The following NT5DC1 variants were observed in gnomAD, a reference collection of about 807,000 sequenced individuals.
The protein encoded by NT5DC1 is 5'-nucleotidase domain containing 1, also known as 5'-nucleotidase domain-containing protein 1.
NT5DC1 carries 42 observed loss-of-function variants against 59.4 expected under a neutral mutation model. The observed-to-expected ratio is 0.71, with a 90% confidence interval of 0.55 to 0.92. The LOEUF is 0.92. Ranked by LOEUF, NT5DC1 falls within the 40% of genes least tolerant of loss-of-function variation. The pLI is 0.00. For synonymous variants in NT5DC1, 172 were observed against 188.1 expected (o/e 0.91, Z 0.70); for missense variants, 501 against 537.1 (o/e 0.93, Z 0.66).
chr6:116,133,825 G>A (rs1779525022), intron 6 of NT5DC1, among the ~76,000 whole-genome samples: 1 of 152,052 alleles, frequency 6.6e-6, no homozygotes, highest in Non-Finnish European at 1.5e-5. Context: ...CTCTTTGCCT[G>A]CTTTCTTTCA....
chr6:116,110,572 C>T (rs576856747), intron 3 of NT5DC1, among the ~76,000 whole-genome samples: 5 of 152,298 alleles, frequency 3.3e-5, no homozygotes, highest in Admixed American at 1.3e-4. Flanking sequence ...AGTTAAACGA[C>T]AACTTCTCTA....
intron 6 of NT5DC1, chr6:116,125,260 A>G (rs1438599655): frequency 1.3e-5 from 20 of 1,514,782 alleles, no homozygotes; most frequent in South Asian, 1.1e-4. Context: ...AGTTAAATGC[A>G]TTTTGTTAAA....
chr6:116,176,926 C>T (rs1185433165), intron 6 of NT5DC1, among the ~76,000 whole-genome samples: 1 of 151,938 alleles, frequency 6.6e-6, no homozygotes, highest in African/African-American at 2.4e-5. Flanking sequence ...CTTTTTTTGC[C>T]CCGTGTAATT....
intron 6 of NT5DC1, among the ~76,000 whole-genome samples, chr6:116,162,459 T>G (rs1484713769): frequency 1.3e-5 from 2 of 152,202 alleles, no homozygotes; most frequent in African/African-American, 4.8e-5. Context: ...CTTTAATGCC[T>G]AGTTTATTTA....
At chr6:116,229,753 C>T (rs1457659830) in intron 8 of NT5DC1, among the ~76,000 whole-genome samples, 1 of 152,110 alleles carries the variant, frequency 6.6e-6, no homozygotes, top group Non-Finnish European at 1.5e-5. Context: ...TGCCCCTGCC[C>T]ACCATTGGGA....
At chr6:116,121,511 CT>C in intron 6 of NT5DC1, 1 of 1,614,128 alleles carries the variant, frequency 6.2e-7, no homozygotes, top group East Asian at 2.2e-5. Flanking sequence ...TGGAAGACCC[CT>C]CTCACCTGGA....
At chr6:116,153,619 G>C (rs1478833859) in intron 6 of NT5DC1, among the ~76,000 whole-genome samples, 1 of 152,144 alleles carries the variant, frequency 6.6e-6, no homozygotes, top group Non-Finnish European at 1.5e-5. Context: ...TAGGTACCTA[G>C]TTAGGCTTCA....
chr6:116,229,409 A>G (rs1026552951), intron 8 of NT5DC1, among the ~76,000 whole-genome samples: 1 of 152,056 alleles, frequency 6.6e-6, no homozygotes, highest in Non-Finnish European at 1.5e-5. Flanking sequence ...CAATCACGAA[A>G]CACAGCATGG....
At chr6:116,191,399 G>A (rs1430643985) in intron 6 of NT5DC1, among the ~76,000 whole-genome samples, 1 of 151,896 alleles carries the variant, frequency 6.6e-6, no homozygotes, top group Non-Finnish European at 1.5e-5. Context: ...TCTCTGGAAG[G>A]GGAAGGAGAG....
chr6:116,117,123 G>A (rs552338478), intron 5 of NT5DC1, among the ~76,000 whole-genome samples: 15 of 152,220 alleles, frequency 9.9e-5, no homozygotes, highest in South Asian at 6.2e-4. Flanking sequence ...GTTTTAGGGC[G>A]TCAGTCTTCT....
chr6:116,154,359 C>T lies in NT5DC1; in HGVS notation c.529+36414C>T, dbSNP rs192396977. Among the ~76,000 whole-genome samples the T allele has an allele frequency of 2.6e-3, 396 of 152,212 alleles. 10 individuals carry two copies. The South Asian group carries it at 0.043, about 17-fold the overall frequency. ...TTCTGTTCCTGTATCCTAACACCGT[C>T]CATGGTCACCCAGTTTCCCCTCAGA... On this transcript the variant is annotated intron_variant, in intron 6 of 11. Transcript: ENST00000319550.
In NT5DC1 at chr6:116,112,978, G is replaced by A. The variant is rs575295835; in HGVS notation, c.364+2022G>A. ...GAAATTTAAAGCACTGAGGGATGTA[G>A]AGATGTTTGATGACAACTTGTTTGA... On this transcript the variant is annotated intron_variant, in intron 4 of 11. Coordinates refer to ENST00000319550, the MANE Select transcript of NT5DC1 (RefSeq NM_152729.3). 1.4e-4 allele frequency among the ~76,000 whole-genome samples: 21 copies of A among 152,344 alleles called. No homozygotes were observed. The South Asian group carries it at 4.4e-3, about 32-fold the overall frequency.
chr6:116,159,290 G>A (rs1229893524), intron 6 of NT5DC1, among the ~76,000 whole-genome samples: 1 of 152,072 alleles, frequency 6.6e-6, no homozygotes, highest in Non-Finnish European at 1.5e-5. Flanking sequence ...TCAAAAACCA[G>A]AGAAACATAA....
chr6:116,124,179 A>C (rs1049510911), intron 6 of NT5DC1, among the ~76,000 whole-genome samples: 11 of 152,124 alleles, frequency 7.2e-5, no homozygotes, highest in Admixed American at 1.3e-4. Context: ...CTTTCTTCTT[A>C]AAAAGACAAT....
At chr6:116,241,988 A>C (rs55939850) in intron 11 of NT5DC1, among the ~76,000 whole-genome samples, 1,603 of 151,198 alleles carry the variant, frequency 0.011, 31 homozygotes, top group African/African-American at 0.037. Context: ...AATGGAAAGC[A>C]TTTAGTAAAA....
chr6:116,173,090 T>C (rs1428583180), intron 6 of NT5DC1, among the ~76,000 whole-genome samples: 1 of 152,204 alleles, frequency 6.6e-6, no homozygotes, highest in Non-Finnish European at 1.5e-5. Flanking sequence ...CTTTTAAAGT[T>C]CAAAATTTGT....
chr6:116,219,982 A>C (rs1387592173), intron 6 of NT5DC1, among the ~76,000 whole-genome samples: 51 of 147,556 alleles, frequency 3.5e-4, no homozygotes, highest in African/African-American at 1.3e-3. Flanking sequence ...AAAAAAAAAA[A>C]AACAACTCTT....
intron 3 of NT5DC1, 134 bp downstream of exon 3, chr6:116,108,569 T>C (rs1270940970): frequency 3.2e-6 from 2 of 618,212 alleles, no homozygotes; most frequent in Non-Finnish European, 5.8e-6. Flanking sequence ...TCTGTCTACA[T>C]GTCTTTGTAT....
chr6:116,208,014 G>C (rs1285640415), intron 6 of NT5DC1, among the ~76,000 whole-genome samples: 1 of 151,862 alleles, frequency 6.6e-6, no homozygotes, highest in Admixed American at 6.6e-5. Flanking sequence ...GAAACACAGT[G>C]AAAGTTCTAT....
Sources: gnomAD v4.1 joint callset for allele counts (sites outside exome capture counted in the v4.1 genomes callset) on GRCh38, gnomAD v4.1.1 for gene constraint, MANE v1.5 for transcripts, NCBI Gene and HGNC (gene_info 2026-07-23, HGNC 2026-07-21) for gene names.